Variants in ISL1 observed in about 807,000 individuals in gnomAD.
ISL1 encodes ISL LIM homeobox 1.
ISL1 carries 4 observed loss-of-function variants against 35.3 expected under a neutral mutation model. That is an observed-to-expected ratio of 0.11 (90% CI 0.06 to 0.26). The LOEUF (loss-of-function observed/expected upper bound fraction) is 0.26. ISL1 is among the 10% of genes least tolerant of loss of function. ISL1 has a pLI of 1.00. For missense variants in ISL1, 340 were observed against 472.8 expected (o/e 0.72, Z 2.60); for synonymous variants, 186 against 172.3 (o/e 1.08, Z -0.62).
intron 4 of ISL1, 108 bp downstream of exon 4, chr5:51,390,040 C>A: frequency 7.5e-7 from 1 of 1,332,790 alleles, no homozygotes; most frequent in Non-Finnish European, 1.0e-6. Flanking sequence ...TGCTCCTGGG[C>A]AGGAGTTTGG....
In ISL1 at chr5:51,389,600, C is replaced by T. The variant is rs747029792; in HGVS notation, c.479-46C>T. On this transcript the variant is annotated intron_variant, in intron 3 of 5. Transcript: ENST00000230658. The surrounding 1 kb of genome is among the most constrained non-coding windows in gnomAD (Gnocchi z 5.0). Reference sequence around the variant, plus strand: ...GAGCGCGCGACCGCGGGCGGGCCGGCAAGCGAGCCTCCAGCCCAGCGCTCA... The same window carrying T: ...GAGCGCGCGACCGCGGGCGGGCCGGTAAGCGAGCCTCCAGCCCAGCGCTCA... 1 of 1,468,328 alleles carries T rather than the reference C, an allele frequency of 6.8e-7. No homozygotes were observed. The highest frequency in any genetic ancestry group is 9.0e-7 in the Non-Finnish European group (1 of 1,114,124). The allele number at this position is 1,468,328 out of a possible 1,614,324, so 91.0% of individuals were successfully genotyped here.
Position 51,389,710 on chromosome 5 carries a change from C to T in ISL1, c.543C>T (p.Thr181=), listed in dbSNP as rs1402420653. The part of the protein sequence containing the change: ...RPHVHKQPEK[T]TRVRTVLNEK... ...ACGTCCACAAGCAGCCGGAGAAGAC[C>T]ACCCGCGTGCGGACTGTGCTGAACG... The change falls in exon 4 of 6, where the codon ACC becomes ACT. Residue 181 remains threonine, a synonymous_variant. Coordinates refer to ENST00000230658, the MANE Select transcript of ISL1 (RefSeq NM_002202.3). The surrounding 1 kb of genome is among the most constrained non-coding windows in gnomAD (Gnocchi z 5.0). 1.2e-6 allele frequency: 2 copies of T among 1,613,872 alleles called. No individual in the cohort carries two copies. The highest frequency in any genetic ancestry group is 1.7e-6 in the Non-Finnish European group (2 of 1,180,024).
At position 51,394,199 on chromosome 5, in the gene ISL1, T is replaced by C. The variant is rs970314602; in HGVS notation, c.*589T>C. 3 of 153,150 alleles carry C rather than the reference T, an allele frequency of 2.0e-5. No homozygotes were observed. The highest frequency in any genetic ancestry group is 7.2e-5 in the African/African-American group (3 of 41,440). 9.5% of individuals were successfully genotyped at this position (153,150 alleles called of 1,614,324 possible). A position where few individuals can be genotyped will look rare whatever the true frequency, so the allele number is the denominator to read the frequency against. On this transcript the variant is annotated 3_prime_UTR_variant, in exon 6 of 6. Coordinates refer to ENST00000230658, the MANE Select transcript of ISL1 (RefSeq NM_002202.3). ...GCCTGTCCTGTAGCTGGTTTATTTT[T>C]TACTTTGCCCCCTCCCCACTTTTTT...
Position 51,387,521 on chromosome 5 carries a change from A to C in ISL1, c.250A>C (p.Ile84Leu). ...CGGGATCAAATGCGCCAAGTGCAGC[A>C]TCGGCTTCAGCAAGAACGACTTCGT... is the stretch of plus-strand genomic sequence containing the variant. The part of the protein sequence containing the change: ...LYGIKCAKCS[I>L]GFSKNDFVMR... Residue 84 changes from isoleucine (I) to leucine (L), a missense_variant, in exon 3 of 6, where the codon ATC (isoleucine) becomes CTC (leucine). Around this residue, in one of 7 missense-constraint regions of ISL1, gnomAD observed 70 missense variants for 130.3 expected, o/e 0.54. Transcript: ENST00000230658. This position sits in a 1 kb window ranked among gnomAD's most constrained non-coding sequence, Gnocchi z 4.3. 6.2e-7 allele frequency: 1 copy of C among 1,614,176 alleles called. No individual in the cohort carries two copies.
chr5:51,384,413 A>AG, intron 1 of ISL1, 128 bp from the exon 2 acceptor site: 1 of 804,958 alleles, frequency 1.2e-6, no homozygotes. Context: ...TAAAAAAAAA[A>AG]AAAAAGAAAG....
chr5:51,389,985 T>A lies in ISL1; in HGVS notation c.765+53T>A. ...ATGCGAGGGGGAAGGAGACGCAGCG[T>A]GCGAGGTGCGTTCCTGGTACGCAGG... On this transcript the variant is annotated intron_variant, in intron 4 of 5. Coordinates refer to ENST00000230658, the MANE Select transcript of ISL1 (RefSeq NM_002202.3). The surrounding 1 kb of genome is among the most constrained non-coding windows in gnomAD (Gnocchi z 5.0). The A allele has an allele frequency of 6.3e-7, 1 of 1,585,428 alleles. No individual in the cohort carries two copies. Among genetic ancestry groups the A allele is most frequent in the Non-Finnish European group, 8.6e-7 (1 of 1,158,778 alleles).
At position 51,393,574 on chromosome 5, in the gene ISL1, A is replaced by C. The variant is rs1580731409; in HGVS notation, c.1014A>C (p.Thr338=). Residue 338 remains threonine (T), a synonymous_variant, in exon 6 of 6, where the codon ACA becomes ACC. Transcript: ENST00000230658. ...VASMSSQLPD[T]PNSMVASPIE... ...CAATGTCCTCTCAACTTCCAGATAC[A>C]CCTAACAGCATGGTAGCCAGTCCTA... 6.2e-7 allele frequency: 1 copy of C among 1,612,274 alleles called. No individual in the cohort carries two copies. The highest frequency in any genetic ancestry group is 2.2e-5 in the East Asian group (1 of 44,858).
At chr5:51,391,784 G>T (rs549978751) in intron 5 of ISL1, among the ~76,000 whole-genome samples, 2 of 152,242 alleles carry the variant, frequency 1.3e-5, no homozygotes, top group Admixed American at 1.3e-4. Context: ...TTTTAGAGTT[G>T]TCAAGGACTT....
intron 2 of ISL1, among the ~76,000 whole-genome samples, chr5:51,385,720 A>G (rs1180632467): frequency 2.6e-5 from 4 of 152,182 alleles, no homozygotes; most frequent in Admixed American, 2.6e-4. Flanking sequence ...TCATTTTATT[A>G]ACAAACAGAA....
In ISL1 at chr5:51,387,481, C is replaced by A; in HGVS notation, c.219-9C>A. ...CTGGGCCGCCTCCGCTCCCCCCTCC[C>A]CCGCACAGGTTGTACGGGATCAAAT... On this transcript the variant is annotated splice_polypyrimidine_tract_variant and intron_variant, in intron 2 of 5. Transcript: ENST00000230658. The surrounding 1 kb of genome is among the most constrained non-coding windows in gnomAD (Gnocchi z 4.3). The A allele has an allele frequency of 6.2e-7, 1 of 1,613,866 alleles. No individual in the cohort carries two copies. The highest frequency in any genetic ancestry group is 8.5e-7 in the Non-Finnish European group (1 of 1,179,902).
chr5:51,385,112 CTGTT>C (rs750953045), intron 2 of ISL1, among the ~76,000 whole-genome samples: 2 of 152,012 alleles, frequency 1.3e-5, no homozygotes, highest in African/African-American at 4.8e-5. Context: ...GTGCAGTGTT[CTGTT>C]TGTTTTAGTC....
intron 5 of ISL1, among the ~76,000 whole-genome samples, chr5:51,393,241 A>T (rs1012614627): frequency 2.0e-5 from 3 of 152,234 alleles, no homozygotes; most frequent in Non-Finnish European, 1.5e-5. Context: ...TAAATAATTT[A>T]ATGCAACATA....
chr5:51,387,423 G>T lies in ISL1; in HGVS notation c.219-67G>T. On this transcript the variant is annotated intron_variant, in intron 2 of 5. Coordinates refer to ENST00000230658, the MANE Select transcript of ISL1 (RefSeq NM_002202.3). This position sits in a 1 kb window ranked among gnomAD's most constrained non-coding sequence, Gnocchi z 4.3. The stretch of plus-strand genomic sequence containing the variant: ...TGGGCCAGGGAAGTGCCGGCCTGAA[G>T]TGACCCCCTCTTCCTGTACTTCTCT... 1 of 1,565,660 alleles carries T rather than the reference G, an allele frequency of 6.4e-7. No homozygotes were observed. Among genetic ancestry groups the T allele is most frequent in the Non-Finnish European group, 8.7e-7 (1 of 1,144,876 alleles).
chr5:51,390,636 CT>C (rs1216503548), intron 4 of ISL1, among the ~76,000 whole-genome samples: 5 of 74,328 alleles, frequency 6.7e-5, no homozygotes, highest in African/African-American at 1.7e-4. Flanking sequence ...TCTTTTCTTT[CT>C]TTTTCTTTTT....
At position 51,393,693 on chromosome 5, in the gene ISL1, G is replaced by A. The variant is rs139406174; in HGVS notation, c.*83G>A. 1,046 of 878,318 alleles carry A rather than the reference G, an allele frequency of 1.2e-3. No homozygotes were observed. Among genetic ancestry groups the A allele is most frequent in the Admixed American group, 2.7e-3 (158 of 58,960 alleles). The allele number at this position is 878,318 out of a possible 1,614,324, so 54.4% of individuals were successfully genotyped here. On this transcript the variant is annotated 3_prime_UTR_variant, in exon 6 of 6. Coordinates refer to ENST00000230658, the MANE Select transcript of ISL1 (RefSeq NM_002202.3). ...GAACTCTGAAACAAAAGTATTTAACGACCCAGTCAATGAAAACTGAATCAA... is the reference window on the plus strand; with the variant it reads ...GAACTCTGAAACAAAAGTATTTAACAACCCAGTCAATGAAAACTGAATCAA...
chr5:51,384,635 A>T lies in ISL1; in HGVS notation c.123A>T (p.Ala41=). 1 of 1,614,156 alleles carries T rather than the reference A, an allele frequency of 6.2e-7. No individual in the cohort carries two copies. Among genetic ancestry groups the T allele is most frequent in the Non-Finnish European group, 8.5e-7 (1 of 1,180,004 alleles). The change falls in exon 2 of 6, where the codon GCA becomes GCT. Residue 41 remains alanine, a synonymous_variant. Transcript: ENST00000230658. ...CTCCGGATTTGGAATGGCATGCGGCATGTTTGAAATGTGCGGAGTGTAATC... is the reference window on the plus strand; with the variant it reads ...CTCCGGATTTGGAATGGCATGCGGCTTGTTTGAAATGTGCGGAGTGTAATC... ...RVSPDLEWHA[A]CLKCAECNQY...
In ISL1 at chr5:51,391,418, G is replaced by C. The variant is rs1334220070; in HGVS notation, c.910G>C (p.Asp304His). Residue 304 changes from aspartate to histidine, a missense_variant, in exon 5 of 6, where the codon GAT becomes CAT. By Grantham distance (81) the Asp-to-His change is moderately conservative. This residue lies in a region of ISL1 where 104 missense variants were observed against 97.3 expected (regional missense o/e 1.07). Coordinates refer to ENST00000230658, the MANE Select transcript of ISL1 (RefSeq NM_002202.3). ...CGACTTCGCCTTGCAGAGTGACATAGATCAGCCTGCTTTTCAGCAACTGGT... is the reference window on the plus strand; with the variant it reads ...CGACTTCGCCTTGCAGAGTGACATACATCAGCCTGCTTTTCAGCAACTGGT... The part of the protein sequence containing the change: ...LSDFALQSDI[D>H]QPAFQQLVNF... 6.2e-7 allele frequency: 1 copy of C among 1,614,068 alleles called. No individual in the cohort carries two copies. Among genetic ancestry groups the C allele is most frequent in the Non-Finnish European group, 8.5e-7 (1 of 1,180,046 alleles).
intron 2 of ISL1, chr5:51,386,663 C>A (rs958370236): frequency 2.2e-6 from 1 of 453,808 alleles, no homozygotes; most frequent in African/African-American, 2.0e-5. Context: ...ACCTTAGAAG[C>A]GGGTCTTTGC....
intron 5 of ISL1, among the ~76,000 whole-genome samples, chr5:51,391,927 T>G (rs566353125): frequency 5.3e-5 from 8 of 152,332 alleles, no homozygotes; most frequent in African/African-American, 1.9e-4. Flanking sequence ...ACAATCAGTG[T>G]TGTTATCAAT....
Sources: allele counts gnomAD v4.1 joint callset (sites outside exome capture counted in the v4.1 genomes callset), GRCh38; gene constraint gnomAD v4.1.1; regional missense constraint gnomAD v4.1.1; non-coding constraint Gnocchi (gnomAD v3.1); transcripts MANE v1.5; gene names NCBI Gene and HGNC (gene_info 2026-07-23, HGNC 2026-07-21).